Variants in ABCE1 observed in about 807,000 individuals in gnomAD.
The protein encoded by ABCE1 is ATP binding cassette subfamily E member 1, also known as ATP-binding cassette sub-family E member 1.
Under a neutral mutation model 83.4 loss-of-function variants are expected in ABCE1, and 22 were observed. That is an observed-to-expected ratio of 0.26 (90% CI 0.19 to 0.38). The LOEUF (loss-of-function observed/expected upper bound fraction) is 0.38. ABCE1 is among the 10% of genes least tolerant of loss of function. The probability of loss-of-function intolerance (pLI) is 1.00; values close to 1 mark genes in which losing one functional copy is unlikely to be tolerated. For missense variants in ABCE1, 330 were observed against 721.9 expected (o/e 0.46, Z 6.22); for synonymous variants, 204 against 233.7 (o/e 0.87, Z 1.16).
chr4:145,122,665 G>A (rs1251609406), intron 13 of ABCE1: 1 of 160,306 alleles, frequency 6.2e-6, no homozygotes, highest in African/African-American at 2.4e-5. Flanking sequence ...TTAAAAATTG[G>A]TTCAGCATGG....
chr4:145,106,345 T>G (rs1749305062), intron 3 of ABCE1, among the ~76,000 whole-genome samples: 1 of 152,054 alleles, frequency 6.6e-6, no homozygotes, highest in Non-Finnish European at 1.5e-5. Context: ...TATTTCACAT[T>G]GGTTTCTGAA....
intron 3 of ABCE1, 132 bp downstream of exon 3, chr4:145,105,822 A>G: frequency 6.3e-6 from 3 of 474,774 alleles, no homozygotes; most frequent in Non-Finnish European, 7.3e-6. Context: ...TAAATTTAGG[A>G]AAGTGGTATT....
At chr4:145,115,636 A>T (rs1749589345) in intron 9 of ABCE1, among the ~76,000 whole-genome samples, 1 of 151,822 alleles carries the variant, frequency 6.6e-6, no homozygotes, top group African/African-American at 2.4e-5. Flanking sequence ...ATCCTTATTT[A>T]AATTTTAATT....
intron 1 of ABCE1, 129 bp downstream of exon 1, chr4:145,098,548 G>C (rs1310044194): frequency 2.6e-5 from 4 of 152,380 alleles, no homozygotes; most frequent in African/African-American, 9.6e-5. Context: ...GCGTGGCAGC[G>C]GTTCCTGCGG....
chr4:145,105,282 G>A (rs926179488), intron 2 of ABCE1, among the ~76,000 whole-genome samples: 1 of 151,902 alleles, frequency 6.6e-6, no homozygotes, highest in Non-Finnish European at 1.5e-5. Flanking sequence ...TTAAAATTTA[G>A]GTTAATCAGC....
At chr4:145,121,442 C>T (rs1435184726) in intron 13 of ABCE1, 51 bp downstream of exon 13, 1 of 1,305,708 alleles carries the variant, frequency 7.7e-7, no homozygotes, top group Non-Finnish European at 1.1e-6. Context: ...GTATATATGC[C>T]TATAGCTTTC....
intron 17 of ABCE1, 32 bp from the exon 18 acceptor site, chr4:145,127,494 C>G: frequency 1.9e-6 from 3 of 1,572,472 alleles, no homozygotes; most frequent in Non-Finnish European, 2.6e-6. Context: ...AATCGTGTTG[C>G]TGATTTTTGT....
chr4:145,124,919 C>T, intron 16 of ABCE1, 71 bp from the exon 17 acceptor site: 2 of 1,047,970 alleles, frequency 1.9e-6, no homozygotes, highest in South Asian at 1.4e-5. Context: ...TTCTTAATAC[C>T]CTTCCTCTCA....
In ABCE1 at chr4:145,121,040, A is replaced by G. The variant is rs577534572; in HGVS notation, c.1145-134A>G. ...ATGAAAGACTTAAGTATTTTTCTAT[A>G]TAAACTTCAGAATTCAATAATGTCA... On this transcript the variant is annotated intron_variant, in intron 11 of 17. Transcript: ENST00000296577. 2.9e-5 allele frequency: 23 copies of G among 792,802 alleles called. No homozygotes were observed. In the East Asian group the frequency reaches 5.5e-4, roughly 19 times the overall value. The allele number at this position is 792,802 out of a possible 1,614,324, so 49.1% of individuals were successfully genotyped here.
chr4:145,110,261 A>G (rs1255406193), intron 6 of ABCE1, 21 bp downstream of exon 6: 1 of 1,599,156 alleles, frequency 6.3e-7, no homozygotes, highest in African/African-American at 1.4e-5. Context: ...GATAGAGGGA[A>G]CTTAACGGAT....
chr4:145,125,417 G>T (rs1277080795), intron 17 of ABCE1, among the ~76,000 whole-genome samples: 1 of 152,092 alleles, frequency 6.6e-6, no homozygotes, highest in African/African-American at 2.4e-5. Context: ...GTAGTGAGCT[G>T]AGATCATCCC....
intron 3 of ABCE1, 137 bp downstream of exon 3, chr4:145,105,827 G>A: frequency 2.2e-5 from 10 of 460,880 alleles, no homozygotes; most frequent in Non-Finnish European, 3.4e-5. Flanking sequence ...TTAGGAAAGT[G>A]GTATTCTAAT....
In ABCE1 at chr4:145,120,816, T is replaced by A. The variant is rs1176680132; in HGVS notation, c.1145-358T>A. 4.6e-5 allele frequency among the ~76,000 whole-genome samples: 7 copies of A among 152,122 alleles called. No individual in the cohort carries two copies. In the East Asian group the frequency reaches 1.3e-3, roughly 29 times the overall value. ...TTTAAATATTTTATATAAGTAAACT[T>A]TAAAATTACAGTTATCTTTCATAAA... On this transcript the variant is annotated intron_variant, in intron 11 of 17. Transcript: ENST00000296577.
Position 145,124,941 on chromosome 4 carries a change from C to A in ABCE1, c.1641-49C>A, listed in dbSNP as rs377540736. 3.0e-6 allele frequency: 4 copies of A among 1,344,730 alleles called. No individual in the cohort carries two copies. The African/African-American group carries it at 4.4e-5, about 15-fold the overall frequency. 83.3% of individuals were successfully genotyped at this position (1,344,730 alleles called of 1,614,324 possible). On this transcript the variant is annotated intron_variant, in intron 16 of 17. Transcript: ENST00000296577. ...TACCCTTCCTCTCAAAAGGTAGTTACATTTCTGAAGTAAAATTTAATCAAA... is the reference window on the plus strand; with the variant it reads ...TACCCTTCCTCTCAAAAGGTAGTTAAATTTCTGAAGTAAAATTTAATCAAA...
intron 1 of ABCE1, among the ~76,000 whole-genome samples, chr4:145,104,055 A>G (rs543554652): frequency 2.0e-5 from 3 of 152,138 alleles, no homozygotes; most frequent in African/African-American, 7.2e-5. Context: ...CAGGTCATTT[A>G]TATCATTTGG....
intron 10 of ABCE1, 26 bp downstream of exon 10, chr4:145,117,440 A>G (rs766150438): frequency 4.4e-6 from 7 of 1,606,832 alleles, no homozygotes; most frequent in Non-Finnish European, 6.0e-6. Flanking sequence ...TTTTTCACAT[A>G]TGCTGTATTC....
rs34992586 is a variant in ABCE1 at position 145,111,141 on chromosome 4, T to C, written c.710+77T>C. 74 of 957,942 alleles carry C rather than the reference T, an allele frequency of 7.7e-5. No homozygotes were observed. The African/African-American group carries it at 9.7e-4, about 13-fold the overall frequency. The allele number at this position is 957,942 out of a possible 1,614,324, so 59.3% of individuals were successfully genotyped here. A position where few individuals can be genotyped will look rare whatever the true frequency, so the allele number is the denominator to read the frequency against. On this transcript the variant is annotated intron_variant, in intron 8 of 17. Transcript: ENST00000296577. ...AGTTGTGATGCTGCTAATAGAGGAA[T>C]GGTTTTGAGAGAAATTAATAGAAAT... is the stretch of plus-strand genomic sequence containing the variant.
At chr4:145,113,322 AGTGAAGGGATT>A (rs1316212136) in intron 9 of ABCE1, among the ~76,000 whole-genome samples, 1 of 152,238 alleles carries the variant, frequency 6.6e-6, no homozygotes, top group African/African-American at 2.4e-5. Flanking sequence ...GCTCCCTGGA[AGTGAAGGGATT>A]GCTCTGTTTC....
chr4:145,117,937 C>T (rs932194763), intron 10 of ABCE1, among the ~76,000 whole-genome samples: 1 of 151,708 alleles, frequency 6.6e-6, no homozygotes, highest in Admixed American at 6.6e-5. Flanking sequence ...CCTGGCCTCT[C>T]CCTTCCATGT....
Sources: gnomAD v4.1 joint callset for allele counts (sites outside exome capture counted in the v4.1 genomes callset) on GRCh38, gnomAD v4.1.1 for gene constraint, MANE v1.5 for transcripts, NCBI Gene and HGNC (gene_info 2026-07-23, HGNC 2026-07-21) for gene names.